The following SORT1 variants were observed in gnomAD, a reference collection of about 807,000 sequenced individuals.
SORT1 encodes sortilin 1.
A neutral mutation model predicts 101.7 loss-of-function variants in SORT1; 39 were observed. The observed-to-expected ratio is 0.38, with a 90% CI of 0.30 to 0.50. SORT1 has a LOEUF of 0.50. SORT1 is among the 20% of genes least tolerant of loss of function. The pLI is 0.90. For missense variants in SORT1, 878 were observed against 1,040.4 expected, an observed-to-expected ratio of 0.84 and a Z score of 2.15; for synonymous variants, 396 against 393.7, an observed-to-expected ratio of 1.01 and a Z score of -0.07.
chr1:109,317,782 G>T, intron 16 of SORT1, 71 bp downstream of exon 16: 1 of 1,033,754 alleles, frequency 9.7e-7, no homozygotes, highest in Non-Finnish European at 1.5e-6. Flanking sequence ...ATCTCAGTGT[G>T]GAGAGAAGCA....
chr1:109,381,065 C>T (rs1466837459), intron 1 of SORT1, among the ~76,000 whole-genome samples: 1 of 152,026 alleles, frequency 6.6e-6, no homozygotes, highest in Non-Finnish European at 1.5e-5. Flanking sequence ...GGTGGGAGTA[C>T]ATAAATTGCT....
intron 8 of SORT1, among the ~76,000 whole-genome samples, chr1:109,343,636 T>C (rs559476128): frequency 3.3e-5 from 5 of 152,294 alleles, no homozygotes; most frequent in Admixed American, 1.3e-4. Flanking sequence ...GTGTCTCATA[T>C]GCAGAACTGA....
chr1:109,379,455 G>T lies in SORT1; in HGVS notation c.307-9866C>A, dbSNP rs545479825. On this transcript the variant is annotated intron_variant, in intron 1 of 19. Transcript: ENST00000256637. Reference sequence around the variant, plus strand: ...TTTGGCACAAAGAGAACACGATCTGGTCACTTCATATTGCTAAGGAGTCAG... The same window carrying T: ...TTTGGCACAAAGAGAACACGATCTGTTCACTTCATATTGCTAAGGAGTCAG... Among the ~76,000 whole-genome samples the T allele has an allele frequency of 9.2e-5, 14 of 152,312 alleles. No homozygotes were observed. In the East Asian group the frequency reaches 2.7e-3, roughly 29 times the overall value.
At position 109,354,500 on chromosome 1, in the gene SORT1, C is replaced by A; in HGVS notation, c.575G>T (p.Ser192Ile). Reference sequence around the variant, plus strand: ...TGATCTAAAGATTCTTCCTCCACGACTTCCTCCAGACACCTCTGCTGTTAA... The same window carrying A: ...TGATCTAAAGATTCTTCCTCCACGAATTCCTCCAGACACCTCTGCTGTTAA... ...VVLTAEVSGG[S>I]RGGRIFRSSD... Residue 192 changes from serine to isoleucine, a missense_variant, in exon 5 of 20, where the codon AGT (serine) becomes ATT (isoleucine). Coordinates refer to ENST00000256637, the MANE Select transcript of SORT1 (RefSeq NM_002959.7). 6.2e-7 allele frequency: 1 copy of A among 1,613,694 alleles called. No homozygotes were observed. Among genetic ancestry groups the A allele is most frequent in the Non-Finnish European group, 8.5e-7 (1 of 1,179,654 alleles).
intron 1 of SORT1, among the ~76,000 whole-genome samples, chr1:109,372,830 C>T (rs1315295247): frequency 1.2e-4 from 18 of 149,602 alleles, no homozygotes; most frequent in Non-Finnish European, 2.5e-4. Flanking sequence ...ACCTGGGAGG[C>T]GGAGCTTGCA....
At chr1:109,329,248 G>A (rs1394766407) in intron 11 of SORT1, among the ~76,000 whole-genome samples, 1 of 152,166 alleles carries the variant, frequency 6.6e-6, no homozygotes, top group Non-Finnish European at 1.5e-5. Flanking sequence ...GAGCAGGGGT[G>A]GCTATATTTA....
chr1:109,357,449 A>T (rs1304294907), intron 3 of SORT1, among the ~76,000 whole-genome samples: 1 of 152,242 alleles, frequency 6.6e-6, no homozygotes, highest in African/African-American at 2.4e-5. Flanking sequence ...CTCATTTCAC[A>T]GATGAGGAGT....
chr1:109,386,236 T>C (rs1176758445), intron 1 of SORT1, among the ~76,000 whole-genome samples: 1 of 152,192 alleles, frequency 6.6e-6, no homozygotes, highest in Non-Finnish European at 1.5e-5. Flanking sequence ...TTCAGCATTG[T>C]GGGAGGCAAA....
intron 15 of SORT1, 38 bp downstream of exon 15, chr1:109,322,894 G>A: frequency 6.5e-7 from 1 of 1,547,672 alleles, no homozygotes; most frequent in South Asian, 1.1e-5. Flanking sequence ...TCCTCCAACA[G>A]GGAAAGGGAG....
At chr1:109,326,446 TATATATATATATATATATAC>T (rs1478589526) in intron 13 of SORT1, among the ~76,000 whole-genome samples, 24 of 25,560 alleles carry the variant, frequency 9.4e-4, no homozygotes, top group African/African-American at 2.4e-3. Flanking sequence ...TATATATATA[TATATATATATATATATATAC>T]ATACACACAC....
Position 109,336,252 on chromosome 1 carries a change from T to C in SORT1, c.1359A>G (p.Lys453=). The C allele has an allele frequency of 6.2e-7, 1 of 1,610,420 alleles. No individual in the cohort carries two copies. The highest frequency in any genetic ancestry group is 8.5e-7 in the Non-Finnish European group (1 of 1,176,528). ...PENSECDATA[K]NKNECSLHIH... ...AGAGTAAACAAACCTCATTCTTGTT[T>C]TTTGCTGTAGCATCACATTCACTGT... The change falls in exon 11 of 20, where the codon AAA becomes AAG. Residue 453 remains lysine, a synonymous_variant. Transcript: ENST00000256637.
chr1:109,369,158 T>C (rs1161334903), intron 2 of SORT1, among the ~76,000 whole-genome samples: 1 of 151,998 alleles, frequency 6.6e-6, no homozygotes, highest in African/African-American at 2.4e-5. Flanking sequence ...TCATCTTCAC[T>C]AAAAATACAA....
intron 3 of SORT1, 52 bp from the exon 4 acceptor site, chr1:109,355,521 A>G (rs376342053): frequency 3.7e-6 from 3 of 820,280 alleles, no homozygotes; most frequent in East Asian, 4.9e-5. Context: ...CATGGATATT[A>G]CTGAGTTCCT....
rs965765656 is a variant in SORT1, at chr1:109,345,734, G to T, written c.963+17C>A. 1.9e-6 allele frequency: 3 copies of T among 1,602,690 alleles called. No homozygotes were observed. Among genetic ancestry groups the T allele is most frequent in the Non-Finnish European group, 2.6e-6 (3 of 1,176,110 alleles). ...TGCAGAAATATCAGACCCCAAAGGG[G>T]AGAGGGCAATACCTACCTTATCAGC... On this transcript the variant is annotated intron_variant, in intron 8 of 19. Transcript: ENST00000256637.
chr1:109,394,349 A>T (rs1394246407), intron 1 of SORT1, among the ~76,000 whole-genome samples: 1 of 152,206 alleles, frequency 6.6e-6, no homozygotes, highest in African/African-American at 2.4e-5. Context: ...TATGTGAAAA[A>T]ATATATGCTG....
At chr1:109,338,114 G>A (rs541752523) in intron 10 of SORT1, among the ~76,000 whole-genome samples, 1 of 152,174 alleles carries the variant, frequency 6.6e-6, no homozygotes, top group Non-Finnish European at 1.5e-5. Context: ...TGTGTGTGAG[G>A]AGGCGAGGGC....
At chr1:109,371,431 G>A (rs1344400214) in intron 1 of SORT1, among the ~76,000 whole-genome samples, 1 of 152,204 alleles carries the variant, frequency 6.6e-6, no homozygotes, top group East Asian at 1.9e-4. Flanking sequence ...CAAGGGCTAA[G>A]ATCACAGTCA....
intron 1 of SORT1, among the ~76,000 whole-genome samples, chr1:109,377,988 T>C (rs928926941): frequency 1.3e-5 from 2 of 152,040 alleles, no homozygotes; most frequent in South Asian, 2.1e-4. Flanking sequence ...TCCCAGCACA[T>C]TGGGAGGCTG....
intron 1 of SORT1, among the ~76,000 whole-genome samples, chr1:109,388,357 G>T (rs1453308782): frequency 6.6e-6 from 1 of 151,820 alleles, no homozygotes; most frequent in African/African-American, 2.4e-5. Context: ...CCTCACCTCA[G>T]ACTCTTGTGT....
Sources: gnomAD v4.1 joint callset for allele counts (sites outside exome capture counted in the v4.1 genomes callset) on GRCh38, gnomAD v4.1.1 for gene constraint, MANE v1.5 for transcripts, NCBI Gene and HGNC (gene_info 2026-07-23, HGNC 2026-07-21) for gene names.